The following HAUS6 variants were observed in gnomAD, a reference collection of about 807,000 sequenced individuals.
HAUS6 encodes HAUS augmin-like complex subunit 6.
A neutral mutation model predicts 106.8 loss-of-function variants in HAUS6; 80 were observed. The ratio of observed to expected loss-of-function variants is 0.75; its 90% CI spans 0.63 to 0.90. The LOEUF (loss-of-function observed/expected upper bound fraction) is 0.90, where lower values mean the gene tolerates loss of function less well. HAUS6 is among the 40% of genes least tolerant of loss of function. The pLI, the probability that HAUS6 is intolerant of heterozygous loss-of-function variation, is 0.00. For missense variants in HAUS6, 1,155 were observed against 1,118.1 expected, an observed-to-expected ratio of 1.03 and a Z score of -0.47; for synonymous variants, 356 against 379.1, an observed-to-expected ratio of 0.94 and a Z score of 0.71.
intron 15 of HAUS6, among the ~76,000 whole-genome samples, chr9:19,059,698 C>G (rs147592503): frequency 5.3e-5 from 8 of 152,310 alleles, no homozygotes; most frequent in Non-Finnish European, 1.0e-4. Flanking sequence ...GACCTCCGCA[C>G]ACATGGTTTA....
At chr9:19,083,569 G>A (rs1036757905) in intron 7 of HAUS6, among the ~76,000 whole-genome samples, 3 of 152,114 alleles carry the variant, frequency 2.0e-5, no homozygotes, top group South Asian at 4.1e-4. Flanking sequence ...TTGGGAGGCC[G>A]AGGCAAGCAG....
intron 11 of HAUS6, among the ~76,000 whole-genome samples, chr9:19,076,012 G>A (rs11791674): frequency 0.035 from 5,276 of 151,292 alleles, 116 homozygotes; most frequent in Non-Finnish European, 0.051. Context: ...AGGGACTAGC[G>A]GGGAAAATGG....
chr9:19,091,659 TA>T (rs923544791), intron 4 of HAUS6, among the ~76,000 whole-genome samples: 3 of 150,938 alleles, frequency 2.0e-5, no homozygotes, highest in African/African-American at 2.4e-5. Context: ...CCCCATCTCT[TA>T]AAAAAAAATA....
chr9:19,070,996 T>C (rs1251792668), intron 11 of HAUS6, among the ~76,000 whole-genome samples: 2 of 152,050 alleles, frequency 1.3e-5, no homozygotes, highest in East Asian at 3.9e-4. Context: ...ATAAGATTGG[T>C]AGAGAAAGCC....
At chr9:19,075,028 G>C (rs1836964146) in intron 11 of HAUS6, among the ~76,000 whole-genome samples, 1 of 152,192 alleles carries the variant, frequency 6.6e-6, no homozygotes, top group Non-Finnish European at 1.5e-5. Context: ...AAATGTGGTA[G>C]AGGATACAAT....
Position 19,094,439 on chromosome 9 carries a change from G to C in HAUS6, c.225-44C>G, listed in dbSNP as rs751449657. The C allele has an allele frequency of 8.7e-6, 9 of 1,037,148 alleles. No homozygotes were observed. The Admixed American group carries it at 9.5e-5, about 11-fold the overall frequency. The allele number at this position is 1,037,148 out of a possible 1,614,324, so 64.2% of individuals were successfully genotyped here. On this transcript the variant is annotated intron_variant, in intron 2 of 16. Coordinates refer to ENST00000380502, the MANE Select transcript of HAUS6 (RefSeq NM_017645.5). Reference sequence around the variant, plus strand: ...AGCGTAAGGACTATGCACAACAATAGCCAAAAAAAAAAGCCTCAGCAAATT... The same window carrying C: ...AGCGTAAGGACTATGCACAACAATACCCAAAAAAAAAAGCCTCAGCAAATT...
intron 4 of HAUS6, among the ~76,000 whole-genome samples, chr9:19,092,301 A>AC (rs201384195): frequency 2.5e-4 from 37 of 151,010 alleles, no homozygotes; most frequent in East Asian, 3.9e-4. Flanking sequence ...TAAAAAAAAA[A>AC]AACAACAACA....
chr9:19,075,156 G>A, intron 11 of HAUS6, among the ~76,000 whole-genome samples: 1 of 152,148 alleles, frequency 6.6e-6, no homozygotes, highest in Non-Finnish European at 1.5e-5. Flanking sequence ...TATATGATAT[G>A]ATTCCATCCA....
intron 4 of HAUS6, among the ~76,000 whole-genome samples, chr9:19,092,263 C>T (rs142441853): frequency 8.6e-5 from 13 of 150,936 alleles, no homozygotes; most frequent in Non-Finnish European, 1.5e-4. Flanking sequence ...TCAAGACCAG[C>T]CTGGGAAATA....
chr9:19,067,231 T>G (rs571161772), intron 12 of HAUS6, among the ~76,000 whole-genome samples: 21 of 152,348 alleles, frequency 1.4e-4, no homozygotes, highest in Admixed American at 3.3e-4. Context: ...AATAGTGTAA[T>G]TGCTGAACTA....
chr9:19,069,412 G>T (rs1284801688), intron 12 of HAUS6, among the ~76,000 whole-genome samples: 1 of 152,180 alleles, frequency 6.6e-6, no homozygotes, highest in African/African-American at 2.4e-5. Context: ...AAATTGGCCG[G>T]GTGCGGTGGC....
intron 16 of HAUS6, chr9:19,056,959 A>G (rs1836486954): frequency 6.6e-6 from 1 of 152,400 alleles, no homozygotes; most frequent in African/African-American, 2.4e-5. Flanking sequence ...TATGTAATGA[A>G]TCTGTATCAC....
At chr9:19,087,800 GCCACTGCACTCTAGTCTAGCTAAGCA>G (rs1271132033) in intron 5 of HAUS6, among the ~76,000 whole-genome samples, 1 of 129,288 alleles carries the variant, frequency 7.7e-6, no homozygotes, top group African/African-American at 2.8e-5. Context: ...TCATAATCAT[GCCACTGCACTCTAGTCTAGCTAAGCA>G]ACAGAGCAAG....
intron 1 of HAUS6, among the ~76,000 whole-genome samples, chr9:19,101,892 C>T (rs995952660): frequency 6.6e-6 from 1 of 152,160 alleles, no homozygotes; most frequent in Non-Finnish European, 1.5e-5. Context: ...TGCACTCCAG[C>T]CTGGCAACAG....
At chr9:19,059,139 C>A in intron 15 of HAUS6, 138 bp from the exon 16 acceptor site, 1 of 603,704 alleles carries the variant, frequency 1.7e-6, no homozygotes, top group Admixed American at 3.0e-5. Context: ...GGATGATAAG[C>A]CTCCACAATA....
intron 3 of HAUS6, among the ~76,000 whole-genome samples, chr9:19,093,610 T>C (rs997786657): frequency 1.3e-4 from 20 of 152,182 alleles, no homozygotes; most frequent in Admixed American, 1.0e-3. Context: ...GGCTCATACC[T>C]GTAATCCCAG....
chr9:19,101,405 C>G (rs1817984553), intron 1 of HAUS6, among the ~76,000 whole-genome samples: 1 of 151,984 alleles, frequency 6.6e-6, no homozygotes, highest in South Asian at 2.1e-4. Flanking sequence ...GTGGGAGGAT[C>G]GCCTGAGCCC....
At chr9:19,091,863 TG>T (rs1428027085) in intron 4 of HAUS6, among the ~76,000 whole-genome samples, 1 of 152,034 alleles carries the variant, frequency 6.6e-6, no homozygotes, top group East Asian at 1.9e-4. Flanking sequence ...GGTTTCACCA[TG>T]TTGGCCAGGC....
rs559072832 is a variant in HAUS6, at chr9:19,061,637, C to T, written c.1629+1371G>A. 7.1e-4 allele frequency among the ~76,000 whole-genome samples: 108 copies of T among 152,226 alleles called. 3 individuals are homozygous for T. The South Asian group carries it at 0.022, about 30-fold the overall frequency. ...ATCACTTCAGGCTACGGGTTCGAGA[C>T]CAACCTGGGCAAAAGAGTGAGTTCC... On this transcript the variant is annotated intron_variant, in intron 14 of 16. Transcript: ENST00000380502.
Sources: gnomAD v4.1 joint callset for allele counts (sites outside exome capture counted in the v4.1 genomes callset) on GRCh38, gnomAD v4.1.1 for gene constraint, MANE v1.5 for transcripts, NCBI Gene and HGNC (gene_info 2026-07-23, HGNC 2026-07-21) for gene names.